Variants in AK8 observed in about 807,000 individuals in gnomAD.
AK8 encodes the protein adenylate kinase 8, also known as ATP-AMP transphosphorylase 8.
Under a neutral mutation model 54.6 loss-of-function variants are expected in AK8, and 44 were observed. That is an observed-to-expected ratio of 0.81 (90% CI 0.63 to 1.04). AK8 has a LOEUF of 1.04. Ranked by LOEUF, AK8 falls within the 50% of genes least tolerant of loss-of-function variation. AK8 has a pLI of 0.00. For synonymous variants in AK8, 239 were observed against 245.6 expected (o/e 0.97, Z 0.25); for missense variants, 555 against 613.6 (o/e 0.90, Z 1.01).
At chr9:132,871,075 G>A (rs1357485268) in intron 2 of AK8, among the ~76,000 whole-genome samples, 3 of 152,064 alleles carry the variant, frequency 2.0e-5, no homozygotes, top group Non-Finnish European at 4.4e-5. Context: ...GTGAAACCCC[G>A]TCTCTACTAA....
At position 132,727,210 on chromosome 9, in the gene AK8, T is replaced by C. The variant is rs543047501; in HGVS notation, c.1202+244A>G. ...TGGGATTAAGCTGTTGATCCCAGGA[T>C]AGAGTGGGTGAACATTTCACCATTG... On this transcript the variant is annotated intron_variant, in intron 12 of 12. Transcript: ENST00000298545. 1.4e-4 allele frequency among the ~76,000 whole-genome samples: 21 copies of C among 152,212 alleles called. No homozygotes were observed. In the East Asian group the frequency reaches 4.1e-3, roughly 29 times the overall value.
chr9:132,733,708 A>G (rs1285252337), intron 11 of AK8, among the ~76,000 whole-genome samples: 11 of 152,192 alleles, frequency 7.2e-5, no homozygotes, highest in Admixed American at 7.2e-4. Flanking sequence ...CGCTGCTGAG[A>G]GCTACTGCTC....
intron 11 of AK8, among the ~76,000 whole-genome samples, chr9:132,735,106 A>G (rs1837034814): frequency 6.6e-6 from 1 of 152,168 alleles, no homozygotes; most frequent in Non-Finnish European, 1.5e-5. Context: ...GCCCTGATTC[A>G]ATCTACTTAG....
At chr9:132,832,992 C>G (rs1264797328) in intron 5 of AK8, among the ~76,000 whole-genome samples, 1 of 152,122 alleles carries the variant, frequency 6.6e-6, no homozygotes, top group African/African-American at 2.4e-5. Context: ...CCCGAGGAAG[C>G]CCTCGAGCAG....
chr9:132,762,089 C>T (rs531423907), intron 11 of AK8, among the ~76,000 whole-genome samples: 2 of 152,080 alleles, frequency 1.3e-5, no homozygotes, highest in African/African-American at 2.4e-5. Flanking sequence ...AGGCTGGTCT[C>T]GAACTCCTGG....
chr9:132,748,022 C>T (rs1161531572), intron 11 of AK8, among the ~76,000 whole-genome samples: 1 of 151,432 alleles, frequency 6.6e-6, no homozygotes, highest in Non-Finnish European at 1.5e-5. Context: ...TCGCTTGAAC[C>T]CAAGAGGTGG....
intron 5 of AK8, among the ~76,000 whole-genome samples, chr9:132,836,434 GAACTT>G (rs957229541): frequency 3.3e-5 from 5 of 152,256 alleles, no homozygotes; most frequent in Non-Finnish European, 5.9e-5. Context: ...TAAGTTTGTA[GAACTT>G]AATATTAAAA....
At chr9:132,868,058 C>A (rs1377872882) in intron 2 of AK8, among the ~76,000 whole-genome samples, 1 of 152,182 alleles carries the variant, frequency 6.6e-6, no homozygotes, top group Admixed American at 6.5e-5. Context: ...TGTGGGAAGC[C>A]GGTAACCTTG....
intron 11 of AK8, among the ~76,000 whole-genome samples, chr9:132,757,365 C>G (rs984582283): frequency 6.6e-6 from 1 of 152,216 alleles, no homozygotes; most frequent in African/African-American, 2.4e-5. Context: ...CATCTCACGG[C>G]AGGTGAAGAA....
Position 132,867,594 on chromosome 9 carries a change from GA to G in AK8, c.170-642del, listed in dbSNP as rs542415371. ...ATGAACCACAGGCTCCTGAACCTGT[GA>G]CCGAGAGTCTGGGCTCACCCGGCAG... On this transcript the variant is annotated intron_variant, in intron 2 of 12. Transcript: ENST00000298545. 2.3e-4 allele frequency among the ~76,000 whole-genome samples: 35 copies of G among 152,374 alleles called. No individual in the cohort carries two copies. The East Asian group carries it at 6.6e-3, about 29-fold the overall frequency.
intron 9 of AK8, among the ~76,000 whole-genome samples, chr9:132,822,293 A>C (rs1002691887): frequency 2.8e-5 from 4 of 142,344 alleles, no homozygotes; most frequent in Non-Finnish European, 4.6e-5. Context: ...ATGTGTATGT[A>C]TATACAAATA....
At chr9:132,827,487 C>T in intron 7 of AK8, 1 of 216,810 alleles carries the variant, frequency 4.6e-6, no homozygotes, top group East Asian at 1.2e-4. Flanking sequence ...GCTCTATCTG[C>T]CACCACAGCG....
intron 11 of AK8, among the ~76,000 whole-genome samples, chr9:132,763,524 G>A (rs865910556): frequency 1.2e-4 from 19 of 152,326 alleles, no homozygotes; most frequent in African/African-American, 1.9e-4. Flanking sequence ...AACTAGATGC[G>A]TAAACAGACT....
chr9:132,780,085 G>A (rs1017961349), intron 11 of AK8, among the ~76,000 whole-genome samples: 1 of 152,222 alleles, frequency 6.6e-6, no homozygotes, highest in African/African-American at 2.4e-5. Context: ...AGAGAAGGAG[G>A]AGGGAAAGGG....
chr9:132,728,643 C>T (rs1836686126), intron 11 of AK8, among the ~76,000 whole-genome samples: 1 of 152,160 alleles, frequency 6.6e-6, no homozygotes. Context: ...TCCCTGACTT[C>T]CCCTGTCCTC....
intron 4 of AK8, among the ~76,000 whole-genome samples, chr9:132,858,578 C>T (rs565760126): frequency 9.2e-5 from 14 of 152,180 alleles, no homozygotes; most frequent in Non-Finnish European, 1.8e-4. Context: ...CTGACCCCCA[C>T]ACCCCCCTTC....
chr9:132,844,693 A>G (rs1842680596), intron 5 of AK8, among the ~76,000 whole-genome samples: 1 of 152,214 alleles, frequency 6.6e-6, no homozygotes, highest in African/African-American at 2.4e-5. Flanking sequence ...ATATTTCTTT[A>G]CTCTGCAGGT....
chr9:132,877,718 G>T (rs1215731704), intron 1 of AK8: 1 of 393,834 alleles, frequency 2.5e-6, no homozygotes, highest in African/African-American at 2.1e-5. Flanking sequence ...TGAGGATGGA[G>T]ATGCCAGCTT....
chr9:132,810,947 C>CA (rs1840976452), intron 10 of AK8, among the ~76,000 whole-genome samples: 1 of 152,014 alleles, frequency 6.6e-6, no homozygotes, highest in African/African-American at 2.4e-5. Flanking sequence ...CCAATTAGGA[C>CA]AAAAAATTGC....
Sources: gnomAD v4.1 joint callset for allele counts (sites outside exome capture counted in the v4.1 genomes callset) on GRCh38, gnomAD v4.1.1 for gene constraint, MANE v1.5 for transcripts, NCBI Gene and HGNC (gene_info 2026-07-23, HGNC 2026-07-21) for gene names.